Variants in SORBS3 observed in about 807,000 individuals in gnomAD.
The protein encoded by SORBS3 is sorbin and SH3 domain containing 3.
A neutral mutation model predicts 98.0 loss-of-function variants in SORBS3; 69 were observed. The ratio of observed to expected loss-of-function variants is 0.70; its 90% CI spans 0.58 to 0.86. The LOEUF is 0.86. Ranked by LOEUF, SORBS3 falls within the 40% of genes least tolerant of loss-of-function variation. SORBS3 has a pLI of 0.00. For synonymous variants in SORBS3, 394 were observed against 355.4 expected, an observed-to-expected ratio of 1.11 and a Z score of -1.22; for missense variants, 954 against 908.5, an observed-to-expected ratio of 1.05 and a Z score of -0.64.
chr8:22,550,526 C>CA (rs1248588386), upstream of SORBS3, among the ~76,000 whole-genome samples: 1 of 152,226 alleles, frequency 6.6e-6, no homozygotes, highest in Non-Finnish European at 1.5e-5. Flanking sequence ...TGAAGCTTCT[C>CA]AACCCAAACA....
chr8:22,564,225 C>A, intron 8 of SORBS3, 58 bp from the exon 9 acceptor site: 1 of 1,521,820 alleles, frequency 6.6e-7, no homozygotes, highest in Non-Finnish European at 9.0e-7. Context: ...GCATTTTGAG[C>A]CTGGCCAGTG....
chr8:22,554,417 A>G lies in SORBS3; in HGVS notation c.-55-35A>G. 6 of 1,539,932 alleles carry G rather than the reference A, an allele frequency of 3.9e-6. No individual in the cohort carries two copies. Among genetic ancestry groups the G allele is most frequent in the South Asian group, 1.3e-5 (1 of 79,542 alleles). ...CAAGAGGGCATGGGCAGCCTAGCCTAGCAGGGCTTTCCCTTCCTTCCTCCT... is the reference window on the plus strand; with the variant it reads ...CAAGAGGGCATGGGCAGCCTAGCCTGGCAGGGCTTTCCCTTCCTTCCTCCT... On this transcript the variant is annotated intron_variant, in intron 1 of 20. Transcript: ENST00000240123. This position sits in a 1 kb window ranked among gnomAD's most constrained non-coding sequence, Gnocchi z 6.5.
chr8:22,550,136 A>G (rs1171323609), upstream of SORBS3: 1 of 492,312 alleles, frequency 2.0e-6, no homozygotes, highest in Non-Finnish European at 2.6e-6. Context: ...GGCGTGGATA[A>G]GAAGGTTTCT....
chr8:22,570,509 C>T (rs1444817270), intron 17 of SORBS3, among the ~76,000 whole-genome samples: 1 of 152,188 alleles, frequency 6.6e-6, no homozygotes, highest in African/African-American at 2.4e-5. Context: ...GTTATTTTCA[C>T]TTAACATAGG....
chr8:22,569,136 T>TA lies in SORBS3; in HGVS notation c.1306-12_1306-11insA. On this transcript the variant is annotated splice_polypyrimidine_tract_variant and intron_variant, in intron 16 of 20. Transcript: ENST00000240123. The stretch of plus-strand genomic sequence containing the variant: ...CCAGGCCAAATCTTTCTCATGACCT[T>TA]TCTTCATGCAGGTGCTGCCCGCAGA... 6.3e-7 allele frequency: 1 copy of TA among 1,594,884 alleles called. No individual in the cohort carries two copies. The highest frequency in any genetic ancestry group is 2.3e-5 in the East Asian group (1 of 43,402).
rs774988326 is a variant in SORBS3, at chr8:22,554,920, G to A, written c.160G>A (p.Ala54Thr). ...NTLNFQFHDP[A>T]PRTVCNGGYT... ...CCTTAATTTCCAGTTCCACGACCCC[G>A]CGCCCAGGACTGTGTGCAATGGGGG... Residue 54 changes from alanine (A) to threonine (T), a missense_variant, in exon 3 of 21, where the codon GCG becomes ACG. By Grantham distance (58) the Ala-to-Thr change is moderately conservative (BLOSUM62 0). Transcript: ENST00000240123. This position sits in a 1 kb window ranked among gnomAD's most constrained non-coding sequence, Gnocchi z 6.5. 53 of 1,606,420 alleles carry A rather than the reference G, an allele frequency of 3.3e-5. No individual in the cohort carries two copies. The highest frequency in any genetic ancestry group is 3.9e-5 in the Non-Finnish European group (46 of 1,175,526).
intron 7 of SORBS3, among the ~76,000 whole-genome samples, chr8:22,563,699 A>G (rs1431268515): frequency 6.6e-6 from 1 of 152,162 alleles, no homozygotes; most frequent in East Asian, 1.9e-4. Flanking sequence ...GGCACCTCAT[A>G]TATGTTCTCT....
upstream of SORBS3, among the ~76,000 whole-genome samples, chr8:22,549,398 G>A (rs1478203883): frequency 3.9e-5 from 6 of 152,318 alleles, no homozygotes; most frequent in East Asian, 9.6e-4. Flanking sequence ...GGGAGCTGAC[G>A]CTAGAGGGAG....
chr8:22,566,401 G>A lies in SORBS3; in HGVS notation c.1007G>A (p.Arg336Gln), dbSNP rs1346917988. Reference protein sequence around the residue: ...YPHAPYLGSARSLSPHKMADG... With the variant: ...YPHAPYLGSAQSLSPHKMADG... ...CATGCACCTTACCTGGGTTCCGCCC[G>A]GTCCCTGAGTCCCCACAAAATGGCT... Residue 336 changes from arginine (R) to glutamine (Q), a missense_variant, in exon 13 of 21, where the codon CGG (arginine) becomes CAG (glutamine). By Grantham distance (43) the Arg-to-Gln change is conservative. Transcript: ENST00000240123. 4 of 1,614,082 alleles carry A rather than the reference G, an allele frequency of 2.5e-6. No homozygotes were observed. The highest frequency in any genetic ancestry group is 3.3e-5 in the Admixed American group (2 of 60,026).
chr8:22,555,817 C>T (rs1187377343), intron 3 of SORBS3, among the ~76,000 whole-genome samples: 1 of 149,496 alleles, frequency 6.7e-6, no homozygotes. Flanking sequence ...TGCCACTGCA[C>T]TCCAGCCTGG....
chr8:22,549,410 C>T (rs1048363834), upstream of SORBS3, among the ~76,000 whole-genome samples: 1 of 152,194 alleles, frequency 6.6e-6, no homozygotes, highest in Admixed American at 6.5e-5. Flanking sequence ...TAGAGGGAGG[C>T]GTCGGGAAAT....
At chr8:22,570,372 C>G (rs74549167) in intron 17 of SORBS3, among the ~76,000 whole-genome samples, 2 of 152,134 alleles carry the variant, frequency 1.3e-5, no homozygotes, top group South Asian at 4.1e-4. Flanking sequence ...GTTTTTGACA[C>G]GCTCATGACA....
chr8:22,545,689 A>C (rs1245741482), intron 1 of SORBS3, among the ~76,000 whole-genome samples: 4 of 152,236 alleles, frequency 2.6e-5, no homozygotes, highest in African/African-American at 9.6e-5. Flanking sequence ...TGTCCCTCTG[A>C]GCAGCTCTGA....
At position 22,565,005 on chromosome 8, in the gene SORBS3, A is replaced by G. The variant is rs1840375232; in HGVS notation, c.817-263A>G. 3.6e-6 allele frequency: 5 copies of G among 1,382,838 alleles called. No individual in the cohort carries two copies. The East Asian group carries it at 1.4e-4, about 40-fold the overall frequency. 85.7% of individuals were successfully genotyped at this position (1,382,838 alleles called of 1,614,324 possible). A position where few individuals can be genotyped will look rare whatever the true frequency, so the allele number is the denominator to read the frequency against. Reference sequence around the variant, plus strand: ...TGCTGTAACAGAGACACAACTTGGCAGAAACTGGCAGGACTGCGGAATCGC... The same window carrying G: ...TGCTGTAACAGAGACACAACTTGGCGGAAACTGGCAGGACTGCGGAATCGC... On this transcript the variant is annotated intron_variant, in intron 10 of 20. Coordinates refer to ENST00000240123, the MANE Select transcript of SORBS3 (RefSeq NM_005775.5).
rs375044012 is a variant in SORBS3, at chr8:22,571,821, C to T, written c.1847C>T (p.Pro616Leu). The change falls in exon 19 of 21, where the codon CCG becomes CTG. Residue 616 changes from proline (P) to leucine (L), a missense_variant and splice_region_variant. By Grantham distance (98) the Pro-to-Leu change is moderately conservative (BLOSUM62 -3). Transcript: ENST00000240123. The part of the protein sequence containing the change: ...SPNTSQIHWT[P>L]YRAMYQYRPQ... ...AACACCTCTCAGATACACTGGACCC[C>T]GTGAGTACCATCTGAGGGCTCTTGA... is the stretch of plus-strand genomic sequence containing the variant. 25 of 1,601,946 alleles carry T rather than the reference C, an allele frequency of 1.6e-5. No homozygotes were observed. Among genetic ancestry groups the T allele is most frequent in the East Asian group, 4.5e-5 (2 of 44,826 alleles).
chr8:22,549,653 G>A (rs377223830), upstream of SORBS3, among the ~76,000 whole-genome samples: 15 of 152,124 alleles, frequency 9.9e-5, no homozygotes, highest in South Asian at 2.1e-4. Context: ...TGATAAACCC[G>A]GCAGAGCCCA....
At chr8:22,549,971 T>G, upstream of SORBS3, 1 of 985,078 alleles carries the variant, frequency 1.0e-6, no homozygotes, top group Non-Finnish European at 1.2e-6. Flanking sequence ...ATTCCTGGAG[T>G]CGGAAGAGCT....
chr8:22,564,883 C>T lies in SORBS3; in HGVS notation c.816+362C>T, dbSNP rs576433011. On this transcript the variant is annotated intron_variant, in intron 10 of 20. Coordinates refer to ENST00000240123, the MANE Select transcript of SORBS3 (RefSeq NM_005775.5). Reference sequence around the variant, plus strand: ...AGGAAGCAGCGTGGGGGTGGGGGCTCCGGTCCCTGGGGTGGCGGGGGAACC... The same window carrying T: ...AGGAAGCAGCGTGGGGGTGGGGGCTTCGGTCCCTGGGGTGGCGGGGGAACC... The T allele has an allele frequency of 6.4e-5, 81 of 1,263,068 alleles. No individual in the cohort carries two copies. In the South Asian group the frequency reaches 1.3e-3, roughly 20 times the overall value. The allele number at this position is 1,263,068 out of a possible 1,614,324, so 78.2% of individuals were successfully genotyped here.
intron 11 of SORBS3, chr8:22,565,598 C>A: frequency 5.1e-6 from 4 of 779,812 alleles, no homozygotes; most frequent in South Asian, 6.2e-5. Context: ...GTCAGCCCGA[C>A]GACCGGGCGC....
Sources: gnomAD v4.1 joint callset for allele counts (sites outside exome capture counted in the v4.1 genomes callset) on GRCh38, gnomAD v4.1.1 for gene constraint, Gnocchi (gnomAD v3.1) non-coding constraint, MANE v1.5 for transcripts, NCBI Gene and HGNC (gene_info 2026-07-23, HGNC 2026-07-21) for gene names.